Variants in GABRG3 observed in about 807,000 individuals in gnomAD.
The protein encoded by GABRG3 is gamma-aminobutyric acid type A receptor subunit gamma3.
Under a neutral mutation model 48.8 loss-of-function variants are expected in GABRG3, and 25 were observed. The observed-to-expected ratio is 0.51, with a 90% CI of 0.37 to 0.72. The LOEUF is 0.72. Ranked by LOEUF, GABRG3 falls within the 30% of genes least tolerant of loss-of-function variation. The probability of loss-of-function intolerance (pLI) is 0.00; values close to 1 mark genes in which losing one functional copy is unlikely to be tolerated. For synonymous variants in GABRG3, 227 were observed against 217.6 expected (o/e 1.04, Z -0.38); for missense variants, 394 against 577.9 (o/e 0.68, Z 3.26).
intron 2 of GABRG3, among the ~76,000 whole-genome samples, chr15:26,980,921 T>C (rs1895042821): frequency 6.6e-6 from 1 of 152,060 alleles, no homozygotes; most frequent in African/African-American, 2.4e-5. Context: ...GGGGTCTATC[T>C]GAGGGTGGAG....
At chr15:27,384,135 G>A (rs1895855863) in intron 5 of GABRG3, among the ~76,000 whole-genome samples, 1 of 152,212 alleles carries the variant, frequency 6.6e-6, no homozygotes, top group South Asian at 2.1e-4. Flanking sequence ...TCAGCTCAAT[G>A]CTGTGTACGC....
At chr15:27,434,397 T>C (rs1888546564) in intron 5 of GABRG3, among the ~76,000 whole-genome samples, 1 of 152,192 alleles carries the variant, frequency 6.6e-6, no homozygotes, top group South Asian at 2.1e-4. Context: ...AAGAGGTCTG[T>C]ACTATACCAT....
chr15:27,474,812 C>A (rs1889886006), intron 5 of GABRG3, among the ~76,000 whole-genome samples: 1 of 152,110 alleles, frequency 6.6e-6, no homozygotes, highest in Non-Finnish European at 1.5e-5. Context: ...AATCACCTCC[C>A]TACTCTTGAG....
At chr15:27,165,810 G>T (rs1057256806) in intron 3 of GABRG3, among the ~76,000 whole-genome samples, 1 of 152,074 alleles carries the variant, frequency 6.6e-6, no homozygotes, top group African/African-American at 2.4e-5. Flanking sequence ...TACCTGTCTG[G>T]GGCACCTGTC....
intron 6 of GABRG3, among the ~76,000 whole-genome samples, chr15:27,505,563 T>G (rs980386496): frequency 6.6e-6 from 1 of 152,196 alleles, no homozygotes; most frequent in African/African-American, 2.4e-5. Context: ...AATAATTGTG[T>G]TTCCTCTTTA....
intron 2 of GABRG3, among the ~76,000 whole-genome samples, chr15:26,986,708 A>T (rs1201994629): frequency 3.3e-5 from 5 of 152,164 alleles, no homozygotes; most frequent in Non-Finnish European, 5.9e-5. Context: ...TTGGCAAATA[A>T]CTCAGGTGAC....
Position 27,308,022 on chromosome 15 carries a change from T to C in GABRG3, c.271-18787T>C, listed in dbSNP as rs1411646543. On this transcript the variant is annotated intron_variant, in intron 3 of 9. Transcript: ENST00000615808. ...GTTTATAATAAACGTATATATAAAA[T>C]AAACATGTTTATATGTAAATGTATA... Among the ~76,000 whole-genome samples, 7 of 138,832 alleles carry C rather than the reference T, an allele frequency of 5.0e-5. 1 individual carries two copies. The highest frequency in any genetic ancestry group is 3.7e-4 in the Admixed American group (5 of 13,546). 91.1% of individuals were successfully genotyped at this position (138,832 alleles called of 152,430 possible).
At chr15:27,079,741 T>G (rs1270832813) in intron 3 of GABRG3, among the ~76,000 whole-genome samples, 1 of 152,246 alleles carries the variant, frequency 6.6e-6, no homozygotes, top group South Asian at 2.1e-4. Context: ...CAAGGTAAAT[T>G]GAACATACAG....
In GABRG3 at chr15:27,478,026, G is replaced by A. The variant is rs564782642; in HGVS notation, c.575-2624G>A. Among the ~76,000 whole-genome samples the A allele has an allele frequency of 1.0e-4, 15 of 150,058 alleles. No homozygotes were observed. The East Asian group carries it at 2.9e-3, about 29-fold the overall frequency. ...CACCACTGCACTCCACAGCCTGGGT[G>A]ACAGAGGGAGACTCCATGTCACAAA... On this transcript the variant is annotated intron_variant, in intron 5 of 9. Coordinates refer to ENST00000615808, the MANE Select transcript of GABRG3 (RefSeq NM_033223.5).
chr15:27,307,261 T>TTATATGTTTATATATAACCATGTTCA (rs1892614788), intron 3 of GABRG3, among the ~76,000 whole-genome samples: 1 of 40,118 alleles, frequency 2.5e-5, no homozygotes, highest in Non-Finnish European at 5.9e-5. Context: ...CATGTTCATA[T>TTATATGTTTATATATAACCATGTTCA]TATATGTTTA....
intron 5 of GABRG3, among the ~76,000 whole-genome samples, chr15:27,358,154 A>G (rs565333154): frequency 6.6e-6 from 1 of 152,312 alleles, no homozygotes; most frequent in Non-Finnish European, 1.5e-5. Context: ...GACTTTTAGT[A>G]TTGGCAACAA....
intron 3 of GABRG3, among the ~76,000 whole-genome samples, chr15:27,235,800 G>A (rs561577333): frequency 2.9e-4 from 44 of 152,276 alleles, no homozygotes; most frequent in African/African-American, 9.6e-4. Context: ...GAACATTGTA[G>A]AGGAAAAATC....
rs764882530 is a variant in GABRG3 at position 27,236,779 on chromosome 15, A to AT, written c.271-90023dup. On this transcript the variant is annotated intron_variant, in intron 3 of 9. Transcript: ENST00000615808. This position sits in a 1 kb window ranked among gnomAD's most constrained non-coding sequence, Gnocchi z 4.4. ...ATCCTCGGATCATGCGAACACTGCCATTTTTTTAACATGGGTCCCATGAAG... is the reference window on the plus strand; with the variant it reads ...ATCCTCGGATCATGCGAACACTGCCATTTTTTTTAACATGGGTCCCATGAAG... 2.6e-5 allele frequency among the ~76,000 whole-genome samples: 4 copies of AT among 152,120 alleles called. No homozygotes were observed. The highest frequency in any genetic ancestry group is 1.9e-4 in the East Asian group (1 of 5,176).
intron 5 of GABRG3, among the ~76,000 whole-genome samples, chr15:27,413,814 G>A (rs1018902179): frequency 5.9e-5 from 9 of 152,232 alleles, no homozygotes; most frequent in East Asian, 3.9e-4. Context: ...TATTTCTTTG[G>A]TTTGGAAAGA....
intron 3 of GABRG3, among the ~76,000 whole-genome samples, chr15:27,300,501 T>TCCA (rs370295364): frequency 0.55 from 82,458 of 150,874 alleles, 23,458 homozygotes; most frequent in Non-Finnish European, 0.61. Context: ...CCATCTCTAC[T>TCCA]AAAAATACAA....
In GABRG3 at chr15:26,975,968, G is replaced by A. The variant is rs1380415051; in HGVS notation, c.54-1034G>A. Among the ~76,000 whole-genome samples, 4 of 152,196 alleles carry A rather than the reference G, an allele frequency of 2.6e-5. No homozygotes were observed. The highest frequency in any genetic ancestry group is 5.9e-5 in the Non-Finnish European group (4 of 68,032). On this transcript the variant is annotated intron_variant, in intron 1 of 9. Transcript: ENST00000615808. The surrounding 1 kb of genome is among the most constrained non-coding windows in gnomAD (Gnocchi z 4.6). ...GGTCAATGGTAGTCTGCCTGGAAAT[G>A]CTGCTTTAAGGCAGAAAGAGACTGT... is the stretch of plus-strand genomic sequence containing the variant.
intron 3 of GABRG3, among the ~76,000 whole-genome samples, chr15:27,161,575 C>G (rs1295159014): frequency 6.6e-6 from 1 of 152,070 alleles, no homozygotes; most frequent in African/African-American, 2.4e-5. Flanking sequence ...TTTTTGATGT[C>G]CTATTTACAA....
chr15:27,025,506 A>G (rs890789648), intron 2 of GABRG3, among the ~76,000 whole-genome samples: 1 of 152,210 alleles, frequency 6.6e-6, no homozygotes, highest in Non-Finnish European at 1.5e-5. Flanking sequence ...GTGTTGGGGC[A>G]TTTTCCAAAA....
chr15:27,136,750 C>G (rs1898015259), intron 3 of GABRG3, among the ~76,000 whole-genome samples: 1 of 152,028 alleles, frequency 6.6e-6, no homozygotes, highest in Non-Finnish European at 1.5e-5. Flanking sequence ...TGAATTAATC[C>G]TAGATTCCTC....
Sources: gnomAD v4.1 joint callset for allele counts (sites outside exome capture counted in the v4.1 genomes callset) on GRCh38, gnomAD v4.1.1 for gene constraint, Gnocchi (gnomAD v3.1) non-coding constraint, MANE v1.5 for transcripts, NCBI Gene and HGNC (gene_info 2026-07-23, HGNC 2026-07-21) for gene names.